The following INTS15 variants were observed in gnomAD, a reference collection of about 807,000 sequenced individuals.
INTS15 encodes the protein integrator complex subunit 15.
At chr7:6,590,385 C>T in the INTS15 span, 1 of 1,606,992 alleles carries the variant, frequency 6.2e-7, no homozygotes, top group East Asian at 2.2e-5. Flanking sequence ...AGCTGCAGAG[C>T]GCGCCGCTGC....
the INTS15 span, among the ~76,000 whole-genome samples, chr7:6,595,537 G>A: frequency 2.0e-5 from 3 of 152,118 alleles, no homozygotes; most frequent in African/African-American, 7.2e-5. Flanking sequence ...TTGCTAAGAG[G>A]GAACTATTAG....
chr7:6,594,013 T>TC, the INTS15 span, among the ~76,000 whole-genome samples: 14 of 146,072 alleles, frequency 9.6e-5, no homozygotes, highest in Non-Finnish European at 2.0e-4. Flanking sequence ...TTTTTTTTTT[T>TC]TTTTTTTTTT....
the INTS15 span, chr7:6,590,067 G>C: frequency 5.7e-5 from 17 of 296,566 alleles, no homozygotes; most frequent in Non-Finnish European, 9.1e-5. Context: ...GGCGGCTCCT[G>C]GCGGCGCCGC....
the INTS15 span, among the ~76,000 whole-genome samples, chr7:6,603,556 A>G: frequency 6.6e-6 from 1 of 151,696 alleles, no homozygotes; most frequent in Non-Finnish European, 1.5e-5. Context: ...CACAAAAACA[A>G]AAAGGCTGGG....
chr7:6,590,323 C>G, the INTS15 span: 5 of 1,592,914 alleles, frequency 3.1e-6, no homozygotes, highest in East Asian at 6.9e-5. Flanking sequence ...CCGCGATGCG[C>G]TGAGCGCCGC....
At chr7:6,597,024 C>T in the INTS15 span, among the ~76,000 whole-genome samples, 3 of 152,200 alleles carry the variant, frequency 2.0e-5, no homozygotes, top group South Asian at 4.1e-4. Flanking sequence ...GTGATCCACC[C>T]GCCTCGGCCT....
At chr7:6,602,423 C>A in the INTS15 span, among the ~76,000 whole-genome samples, 1 of 152,160 alleles carries the variant, frequency 6.6e-6, no homozygotes. Flanking sequence ...GCAGGGGGCC[C>A]TCTGTTGGTG....
At chr7:6,595,092 C>T in the INTS15 span, among the ~76,000 whole-genome samples, 9 of 151,340 alleles carry the variant, frequency 5.9e-5, no homozygotes, top group Admixed American at 1.3e-4. Context: ...AGTGCAGAGG[C>T]GTGATCCCAG....
At chr7:6,600,260 C>A in the INTS15 span, 7 of 1,614,196 alleles carry the variant, frequency 4.3e-6, no homozygotes, top group Admixed American at 5.0e-5. Context: ...TGAACTGAAC[C>A]CCCTCAACGC....
At chr7:6,605,345 G>GT in the INTS15 span, among the ~76,000 whole-genome samples, 2 of 152,110 alleles carry the variant, frequency 1.3e-5, no homozygotes, top group African/African-American at 4.8e-5. Context: ...GAAGAACATT[G>GT]TTGGTATCAG....
the INTS15 span, among the ~76,000 whole-genome samples, chr7:6,590,697 T>A: frequency 6.6e-6 from 1 of 152,162 alleles, no homozygotes; most frequent in Non-Finnish European, 1.5e-5. Flanking sequence ...CGAGTCTTGG[T>A]GTTAAAGGGA....
the INTS15 span, among the ~76,000 whole-genome samples, chr7:6,599,130 A>C: frequency 6.6e-6 from 1 of 152,070 alleles, no homozygotes; most frequent in Non-Finnish European, 1.5e-5. Flanking sequence ...ACTGTCCCTC[A>C]GTTTCTTTGT....
chr7:6,602,710 C>T, the INTS15 span: 2 of 471,124 alleles, frequency 4.2e-6, no homozygotes, highest in East Asian at 1.4e-4. Flanking sequence ...ATTTCTCATC[C>T]TACTCCTTGC....
the INTS15 span, among the ~76,000 whole-genome samples, chr7:6,597,070 T>C: frequency 2.0e-5 from 3 of 152,180 alleles, no homozygotes; most frequent in Non-Finnish European, 4.4e-5. Flanking sequence ...TGAGCCACTG[T>C]GCCAGCTGCA....
chr7:6,602,928 A>T, the INTS15 span, among the ~76,000 whole-genome samples: 1 of 152,184 alleles, frequency 6.6e-6, no homozygotes, highest in Non-Finnish European at 1.5e-5. Flanking sequence ...TTCTCACCGT[A>T]AGATTTTTGT....
At chr7:6,608,375 C>T in the INTS15 span, 14 of 1,409,926 alleles carry the variant, frequency 9.9e-6, no homozygotes, top group African/African-American at 1.9e-4. Context: ...CCAGCCTCTG[C>T]CGAGAGCCTG....
the INTS15 span, chr7:6,600,043 C>T: frequency 6.2e-7 from 1 of 1,614,212 alleles, no homozygotes; most frequent in Non-Finnish European, 8.5e-7. Context: ...TATCCAATGG[C>T]CATGTCAGCA....
chr7:6,607,626 G>T, the INTS15 span: 29 of 1,450,688 alleles, frequency 2.0e-5, no homozygotes, highest in Non-Finnish European at 2.6e-5. The surrounding 1 kb of genome is among the most constrained non-coding windows in gnomAD (Gnocchi z 6.0). Flanking sequence ...CGGCTCTGAG[G>T]AGACTGTGGC....
chr7:6,594,371 C>A, the INTS15 span: 2 of 1,538,676 alleles, frequency 1.3e-6, no homozygotes, highest in Non-Finnish European at 1.8e-6. Context: ...ACTGTGTGTG[C>A]ATAGTTGCTG....
Sources: allele counts gnomAD v4.1 joint callset (sites outside exome capture counted in the v4.1 genomes callset), GRCh38; gene constraint gnomAD v4.1.1; non-coding constraint Gnocchi (gnomAD v3.1); transcripts MANE v1.5; gene names NCBI Gene and HGNC (gene_info 2026-07-23, HGNC 2026-07-21).